Variants in IL1RAPL2 observed in about 807,000 individuals in gnomAD.
IL1RAPL2 encodes the protein X-linked interleukin-1 receptor accessory protein-like 2.
In IL1RAPL2, 3 loss-of-function variants were observed where a neutral mutation model predicts 44.1. That is an observed-to-expected ratio of 0.07 (90% confidence interval 0.03 to 0.18). The LOEUF (loss-of-function observed/expected upper bound fraction) is 0.18. Ranked by LOEUF, IL1RAPL2 falls within the 10% of genes least tolerant of loss-of-function variation. The pLI is 1.00. For missense variants in IL1RAPL2, 391 were observed against 496.4 expected, an observed-to-expected ratio of 0.79 and a Z score of 2.02; for synonymous variants, 181 against 178.8, an observed-to-expected ratio of 1.01 and a Z score of -0.10.
intron 1 of IL1RAPL2, among the ~76,000 whole-genome samples, chrX:104,571,219 T>C (rs1410558258): frequency 8.9e-6 from 1 of 112,188 alleles, no homozygotes; most frequent in Non-Finnish European, 1.9e-5. Flanking sequence ...ATTCAGTATA[T>C]CCTACATGTT....
intron 2 of IL1RAPL2, among the ~76,000 whole-genome samples, chrX:105,146,535 T>A (rs766736611): frequency 1.8e-5 from 2 of 111,884 alleles, no homozygotes; most frequent in African/African-American, 6.5e-5. Context: ...AGTAACTTAA[T>A]TTTTTAAAAA....
intron 2 of IL1RAPL2, among the ~76,000 whole-genome samples, chrX:104,781,881 A>T (rs952255005): frequency 1.8e-5 from 2 of 111,557 alleles, no homozygotes; most frequent in Non-Finnish European, 3.8e-5. Context: ...ATAAGATAGT[A>T]TTAAGAAGTG....
At chrX:104,754,189 A>C (rs1001823818) in intron 2 of IL1RAPL2, among the ~76,000 whole-genome samples, 1 of 111,251 alleles carries the variant, frequency 9.0e-6, no homozygotes, top group Non-Finnish European at 1.9e-5. Context: ...CAGTCTTCCA[A>C]TGTTTCCAAG....
At chrX:105,312,379 C>A (rs1389409186) in intron 5 of IL1RAPL2, among the ~76,000 whole-genome samples, 1 of 111,667 alleles carries the variant, frequency 9.0e-6, no homozygotes, top group Non-Finnish European at 1.9e-5. Context: ...GTTGTTACGG[C>A]AGTAATGTCA....
At chrX:104,791,861 A>G (rs1021790590) in intron 2 of IL1RAPL2, among the ~76,000 whole-genome samples, 4 of 111,023 alleles carry the variant, frequency 3.6e-5, no homozygotes, top group Admixed American at 9.5e-5. Flanking sequence ...TCTACTTTAA[A>G]CAGTTCCTAA....
At chrX:104,763,659 CT>C (rs1249561973) in intron 2 of IL1RAPL2, among the ~76,000 whole-genome samples, 1 of 111,699 alleles carries the variant, frequency 9.0e-6, no homozygotes, top group African/African-American at 3.3e-5. Flanking sequence ...ACATGCTCTT[CT>C]TCACATGGCA....
chrX:105,069,706 T>G (rs2032182582), intron 2 of IL1RAPL2, among the ~76,000 whole-genome samples: 1 of 112,348 alleles, frequency 8.9e-6, no homozygotes, highest in African/African-American at 3.2e-5. Flanking sequence ...GGGGTAATAA[T>G]TATTTTCTTC....
chrX:105,041,827 T>C (rs1240393503), intron 2 of IL1RAPL2, among the ~76,000 whole-genome samples: 1 of 110,351 alleles, frequency 9.1e-6, no homozygotes, highest in Admixed American at 9.7e-5. Flanking sequence ...CTTCAAACTA[T>C]ACTACAAGGC....
intron 2 of IL1RAPL2, among the ~76,000 whole-genome samples, chrX:105,120,685 T>C (rs757873372): frequency 6.2e-5 from 7 of 112,036 alleles, no homozygotes; most frequent in South Asian, 3.7e-4. Context: ...TGCTGTCACC[T>C]AAATTTAGCA....
At chrX:104,588,352 T>C (rs1928603371) in intron 1 of IL1RAPL2, among the ~76,000 whole-genome samples, 1 of 111,427 alleles carries the variant, frequency 9.0e-6, no homozygotes, top group Non-Finnish European at 1.9e-5. Flanking sequence ...TGGAGGTATT[T>C]ATCCCCCACT....
intron 2 of IL1RAPL2, among the ~76,000 whole-genome samples, chrX:105,110,408 A>G (rs748991855): frequency 8.9e-6 from 1 of 112,226 alleles, no homozygotes; most frequent in Admixed American, 9.4e-5. Flanking sequence ...TTTCCAGTAC[A>G]GTGTGAATAC....
Position 104,703,559 on chromosome X carries a change from G to A in IL1RAPL2, c.82+44564G>A, listed in dbSNP as rs186202075. Among the ~76,000 whole-genome samples the A allele has an allele frequency of 4.4e-3, 499 of 112,191 alleles. 4 individuals are homozygous for A. The highest frequency in any genetic ancestry group is 0.015 in the African/African-American group (458 of 30,866). ...CTGTATCACCAGCACCTAGTAAAAA[G>A]CCTGTTCATAAATGTTCTATAAATG... On this transcript the variant is annotated intron_variant, in intron 2 of 10. Transcript: ENST00000372582.
In IL1RAPL2 at chrX:105,141,388, G is replaced by A. The variant is rs190054653; in HGVS notation, c.83-54087G>A. On this transcript the variant is annotated intron_variant, in intron 2 of 10. Coordinates refer to ENST00000372582, the MANE Select transcript of IL1RAPL2 (RefSeq NM_017416.2). Reference sequence around the variant, plus strand: ...TGGTATCATAGCTTACAATGCTGGGGTTGGGGGCTGAGATCTTTTCTCCAT... The same window carrying A: ...TGGTATCATAGCTTACAATGCTGGGATTGGGGGCTGAGATCTTTTCTCCAT... Among the ~76,000 whole-genome samples the A allele has an allele frequency of 5.0e-3, 552 of 110,602 alleles. 3 individuals are homozygous for A. Among genetic ancestry groups the A allele is most frequent in the African/African-American group, 0.017 (530 of 30,431 alleles).
chrX:105,502,891 G>A (rs1032846836), intron 6 of IL1RAPL2, among the ~76,000 whole-genome samples: 31 of 110,306 alleles, frequency 2.8e-4, no homozygotes, highest in African/African-American at 9.2e-4. Context: ...TTAGCTAAGC[G>A]TATTTTTTTT....
At position 105,040,138 on chromosome X, in the gene IL1RAPL2, T is replaced by C. The variant is rs772049271; in HGVS notation, c.83-155337T>C. 8.1e-5 allele frequency among the ~76,000 whole-genome samples: 9 copies of C among 111,681 alleles called. No homozygotes were observed. In the East Asian group the frequency reaches 2.3e-3, roughly 28 times the overall value. ...GCCTTTTCTGCATCTATTGAGATAA[T>C]CATGTGGTTTTTGTCTTTGGTTCTG... is the stretch of plus-strand genomic sequence containing the variant. On this transcript the variant is annotated intron_variant, in intron 2 of 10. Coordinates refer to ENST00000372582, the MANE Select transcript of IL1RAPL2 (RefSeq NM_017416.2).
chrX:105,270,223 TAGAGA>T (rs928924263), intron 5 of IL1RAPL2, among the ~76,000 whole-genome samples: 16 of 111,784 alleles, frequency 1.4e-4, no homozygotes, highest in African/African-American at 5.2e-4. Context: ...TGAGAGACAC[TAGAGA>T]AGAGAATGGT....
At chrX:104,580,973 C>T (rs750947407) in intron 1 of IL1RAPL2, among the ~76,000 whole-genome samples, 175 of 112,081 alleles carry the variant, frequency 1.6e-3, no homozygotes, top group Non-Finnish European at 2.2e-3. Flanking sequence ...TAGTACCATG[C>T]TCTGCTTATC....
chrX:104,638,050 T>C (rs1295506288), intron 1 of IL1RAPL2, among the ~76,000 whole-genome samples: 1 of 111,432 alleles, frequency 9.0e-6, no homozygotes, highest in Non-Finnish European at 1.9e-5. Context: ...TACCCATTAT[T>C]GGTCTATTCT....
Position 105,279,649 on chromosome X carries a change from T to G in IL1RAPL2, c.697+12108T>G, listed in dbSNP as rs1197833883. ...CGTGCACCACCATGCCCAGCTAATT[T>G]TTGTATTTTTAGTAAAGATGGGGTT... On this transcript the variant is annotated intron_variant, in intron 5 of 10. Coordinates refer to ENST00000372582, the MANE Select transcript of IL1RAPL2 (RefSeq NM_017416.2). Among the ~76,000 whole-genome samples the G allele has an allele frequency of 2.7e-5, 3 of 110,831 alleles. No homozygotes were observed. In the Admixed American group the frequency reaches 2.9e-4, roughly 11 times the overall value.
Sources: allele counts gnomAD v4.1 joint callset (sites outside exome capture counted in the v4.1 genomes callset), GRCh38; gene constraint gnomAD v4.1.1; transcripts MANE v1.5; gene names NCBI Gene and HGNC (gene_info 2026-07-23, HGNC 2026-07-21).